LDB2: variants seen among roughly 807,000 people sequenced by gnomAD.
The protein encoded by LDB2 is LIM domain-binding protein 2.
A neutral mutation model predicts 44.3 loss-of-function variants in LDB2; 12 were observed. The observed-to-expected ratio is 0.27, with a 90% CI of 0.17 to 0.44. The LOEUF (loss-of-function observed/expected upper bound fraction) is 0.44. LDB2 is among the 20% of genes least tolerant of loss of function. LDB2 has a pLI of 1.00. For missense variants in LDB2, 344 were observed against 473.5 expected, an observed-to-expected ratio of 0.73 and a Z score of 2.54; for synonymous variants, 164 against 174.8, an observed-to-expected ratio of 0.94 and a Z score of 0.49.
At chr4:16,874,539 ACT>A (rs776040144) in intron 1 of LDB2, among the ~76,000 whole-genome samples, 5 of 152,146 alleles carry the variant, frequency 3.3e-5, no homozygotes, top group Non-Finnish European at 5.9e-5. Context: ...CAGATAGATC[ACT>A]CTTTCTCCTC....
Position 16,898,469 on chromosome 4 carries a change from T to C in LDB2, c.17A>G (p.His6Arg). 3 of 1,613,818 alleles carry C rather than the reference T, an allele frequency of 1.9e-6. No homozygotes were observed. Among genetic ancestry groups the C allele is most frequent in the Non-Finnish European group, 2.5e-6 (3 of 1,179,930 alleles). Residue 6 changes from histidine (H) to arginine (R), a missense_variant, in exon 1 of 8, where the codon CAT becomes CGT. Around this residue, in one of 3 missense-constraint regions of LDB2, gnomAD observed 226 missense variants for 270.1 expected, o/e 0.84. Coordinates refer to ENST00000304523, the MANE Select transcript of LDB2 (RefSeq NM_001290.5). Reference protein sequence around the residue: MSSTPHDPFYSSPFGP... With the variant: MSSTPRDPFYSSPFGP... The stretch of plus-strand genomic sequence containing the variant: ...GAAAGGAGAAGAATAGAAGGGGTCA[T>C]GTGGTGTGCTGGACATCTTGCCTGC...
intron 2 of LDB2, among the ~76,000 whole-genome samples, chr4:16,756,804 T>C (rs915357235): frequency 9.9e-5 from 15 of 152,056 alleles, no homozygotes; most frequent in South Asian, 2.1e-4. Context: ...ACAGGATTTA[T>C]GGCAACTTAG....
At chr4:16,716,595 T>C (rs1409059916) in intron 2 of LDB2, among the ~76,000 whole-genome samples, 1 of 152,148 alleles carries the variant, frequency 6.6e-6, no homozygotes, top group African/African-American at 2.4e-5. Context: ...GGGGTTAGCA[T>C]TTGAACTCTT....
chr4:16,614,500 G>A (rs1029257222), intron 2 of LDB2, among the ~76,000 whole-genome samples: 14 of 144,348 alleles, frequency 9.7e-5, no homozygotes, highest in African/African-American at 3.6e-4. Flanking sequence ...AAATGGGAGA[G>A]AAGTTTTGCA....
At chr4:16,514,894 G>A (rs1723059952) in intron 5 of LDB2, among the ~76,000 whole-genome samples, 1 of 152,174 alleles carries the variant, frequency 6.6e-6, no homozygotes. Flanking sequence ...GACTCTGTGT[G>A]CATTACTCTG....
chr4:16,744,041 C>G (rs965677469), intron 2 of LDB2, among the ~76,000 whole-genome samples: 10 of 152,146 alleles, frequency 6.6e-5, no homozygotes, highest in African/African-American at 2.4e-4. Context: ...ATTCAAAGAA[C>G]AAAATATGAT....
chr4:16,749,569 A>AAT (rs1554000416), intron 2 of LDB2, among the ~76,000 whole-genome samples: 1,767 of 138,550 alleles, frequency 0.013, 36 homozygotes, highest in East Asian at 0.059. Flanking sequence ...AAAAAAAAAA[A>AAT]AAATAAAAAA....
chr4:16,837,427 C>T (rs1785070980), intron 1 of LDB2, among the ~76,000 whole-genome samples: 1 of 152,316 alleles, frequency 6.6e-6, no homozygotes, highest in South Asian at 2.1e-4. Context: ...AAGAATCCTG[C>T]CTCCTATATT....
At chr4:16,619,672 G>T (rs78783305) in intron 2 of LDB2, among the ~76,000 whole-genome samples, 3,297 of 152,126 alleles carry the variant, frequency 0.022, 52 homozygotes, top group Middle Eastern at 0.054. Context: ...GTGATCATTC[G>T]TGCAATTTCA....
At chr4:16,715,654 A>G (rs183585146) in intron 2 of LDB2, among the ~76,000 whole-genome samples, 1 of 152,324 alleles carries the variant, frequency 6.6e-6, no homozygotes, top group African/African-American at 2.4e-5. Context: ...TGACTTTCAC[A>G]TATTGCCACA....
chr4:16,898,149 C>T (rs992340441), intron 1 of LDB2, among the ~76,000 whole-genome samples: 1 of 151,698 alleles, frequency 6.6e-6, no homozygotes, highest in African/African-American at 2.4e-5. Context: ...CTCAAGATTC[C>T]GGCAGAAACT....
At chr4:16,563,720 T>A (rs113542535) in intron 5 of LDB2, among the ~76,000 whole-genome samples, 2,091 of 151,322 alleles carry the variant, frequency 0.014, 66 homozygotes, top group African/African-American at 0.048. Context: ...GGCCTCCCAA[T>A]GTGCTGGGAT....
At position 16,502,614 on chromosome 4, in the gene LDB2, A is replaced by G. The variant is rs1717808061; in HGVS notation, c.*29T>C. On this transcript the variant is annotated 3_prime_UTR_variant, in exon 8 of 8. Transcript: ENST00000304523. ...AATTGTAATGATCACCCACGGGCCT[A>G]TTGACAGTGGATTCTGGTGCCGATC... The G allele has an allele frequency of 6.2e-7, 1 of 1,611,142 alleles. No individual in the cohort carries two copies. The highest frequency in any genetic ancestry group is 8.5e-7 in the Non-Finnish European group (1 of 1,177,452).
chr4:16,640,050 T>C (rs184029417), intron 2 of LDB2, among the ~76,000 whole-genome samples: 8 of 152,334 alleles, frequency 5.3e-5, no homozygotes, highest in Non-Finnish European at 7.3e-5. Context: ...TTCTGTTAAT[T>C]ATTTGCTAAA....
At chr4:16,831,019 CTG>C (rs1388021740) in intron 1 of LDB2, among the ~76,000 whole-genome samples, 1 of 152,094 alleles carries the variant, frequency 6.6e-6, no homozygotes, top group Non-Finnish European at 1.5e-5. Context: ...AAAGAGCTGA[CTG>C]TGTCCATGGA....
intron 2 of LDB2, among the ~76,000 whole-genome samples, chr4:16,729,560 C>T (rs772575739): frequency 7.9e-5 from 12 of 152,068 alleles, no homozygotes; most frequent in African/African-American, 2.7e-4. Flanking sequence ...TATTTCAGGC[C>T]GCTTTTATCC....
intron 2 of LDB2, among the ~76,000 whole-genome samples, chr4:16,637,299 A>ATTTTTTT (rs34484721): frequency 4.8e-4 from 41 of 85,490 alleles, no homozygotes; most frequent in East Asian, 8.2e-4. Context: ...GCCTAGGCTG[A>ATTTTTTT]TTTTTTTTTT....
intron 1 of LDB2, among the ~76,000 whole-genome samples, chr4:16,860,912 C>T (rs1414971126): frequency 8.0e-6 from 1 of 125,420 alleles, no homozygotes; most frequent in Non-Finnish European, 1.8e-5. Flanking sequence ...ATTCCTACAG[C>T]TATAAAAAAA....
intron 2 of LDB2, among the ~76,000 whole-genome samples, chr4:16,605,187 G>A (rs1723593316): frequency 6.6e-6 from 1 of 152,132 alleles, no homozygotes; most frequent in Non-Finnish European, 1.5e-5. Context: ...CTCTTGATTA[G>A]TGATCATGAA....
Sources: allele counts gnomAD v4.1 joint callset (sites outside exome capture counted in the v4.1 genomes callset), GRCh38; gene constraint gnomAD v4.1.1; regional missense constraint gnomAD v4.1.1; transcripts MANE v1.5; gene names NCBI Gene and HGNC (gene_info 2026-07-23, HGNC 2026-07-21).